MAGI2: variants seen among roughly 807,000 people sequenced by gnomAD.
MAGI2 encodes membrane-associated guanylate kinase, WW and PDZ domain-containing protein 2.
MAGI2 carries 35 observed loss-of-function variants against 133.3 expected under a neutral mutation model. The observed-to-expected ratio is 0.26, with a 90% CI of 0.20 to 0.35. The LOEUF is 0.35. Ranked by LOEUF, MAGI2 falls within the 10% of genes least tolerant of loss-of-function variation. The pLI, the probability that MAGI2 is intolerant of heterozygous loss-of-function variation, is 1.00. For synonymous variants in MAGI2, 729 were observed against 710.6 expected (o/e 1.03, Z -0.41); for missense variants, 1,636 against 1,863.4 (o/e 0.88, Z 2.25).
intron 1 of MAGI2, among the ~76,000 whole-genome samples, chr7:79,098,739 T>C (rs998674636): frequency 2.6e-5 from 4 of 152,182 alleles, no homozygotes; most frequent in African/African-American, 9.7e-5. Context: ...ACACCATAAT[T>C]AAGATTTCTC....
At chr7:78,726,147 T>A (rs986908253) in intron 2 of MAGI2, among the ~76,000 whole-genome samples, 6 of 152,110 alleles carry the variant, frequency 3.9e-5, no homozygotes, top group Non-Finnish European at 7.4e-5. Flanking sequence ...CAAAAATAAT[T>A]TTAAGTGGGG....
intron 11 of MAGI2, among the ~76,000 whole-genome samples, chr7:78,195,937 G>A (rs1584349107): frequency 6.6e-6 from 1 of 152,170 alleles, no homozygotes; most frequent in South Asian, 2.1e-4. Context: ...GGCAGCGTAT[G>A]TAAGATTTAG....
At chr7:78,962,021 A>G (rs1802891671) in intron 2 of MAGI2, among the ~76,000 whole-genome samples, 1 of 152,048 alleles carries the variant, frequency 6.6e-6, no homozygotes, top group African/African-American at 2.4e-5. Context: ...GTGTATCTAA[A>G]CATAGAAAAG....
intron 6 of MAGI2, among the ~76,000 whole-genome samples, chr7:78,421,177 G>A (rs952350216): frequency 5.3e-5 from 8 of 152,136 alleles, no homozygotes; most frequent in African/African-American, 1.9e-4. Flanking sequence ...GGACTCTAGA[G>A]AAAACCCTAG....
intron 19 of MAGI2, among the ~76,000 whole-genome samples, chr7:78,126,043 G>A (rs1820942253): frequency 6.6e-6 from 1 of 152,128 alleles, no homozygotes; most frequent in South Asian, 2.1e-4. Flanking sequence ...CAGTTTACTT[G>A]GTCATCAAAG....
chr7:79,058,976 A>G (rs17407267), intron 1 of MAGI2, among the ~76,000 whole-genome samples: 17,090 of 152,142 alleles, frequency 0.11, 1,073 homozygotes, highest in African/African-American at 0.17. Flanking sequence ...AAAGCTTAAC[A>G]TGGCATACTC....
At chr7:78,381,111 C>T (rs1255372410) in intron 6 of MAGI2, among the ~76,000 whole-genome samples, 1 of 152,120 alleles carries the variant, frequency 6.6e-6, no homozygotes, top group Non-Finnish European at 1.5e-5. Flanking sequence ...TTTTGGGAAG[C>T]TGAGGCTGGC....
chr7:79,090,189 A>T (rs764820887), intron 1 of MAGI2, among the ~76,000 whole-genome samples: 1 of 152,008 alleles, frequency 6.6e-6, no homozygotes, highest in Non-Finnish European at 1.5e-5. Flanking sequence ...TGCAAAAGGA[A>T]TAATTAATTA....
At chr7:78,207,906 C>G (rs933325761) in intron 10 of MAGI2, among the ~76,000 whole-genome samples, 3 of 152,112 alleles carry the variant, frequency 2.0e-5, no homozygotes, top group African/African-American at 7.2e-5. Context: ...AAGATGGAGT[C>G]TCACTCTGTC....
intron 1 of MAGI2, among the ~76,000 whole-genome samples, chr7:79,080,128 A>G (rs1197845352): frequency 6.6e-6 from 1 of 152,048 alleles, no homozygotes; most frequent in Non-Finnish European, 1.5e-5. Flanking sequence ...CCCTTCCTTA[A>G]TGTTCATTTC....
At chr7:79,317,869 C>T (rs1379679406) in intron 1 of MAGI2, among the ~76,000 whole-genome samples, 1 of 152,170 alleles carries the variant, frequency 6.6e-6, no homozygotes, top group East Asian at 1.9e-4. Flanking sequence ...TGCCTGGTTT[C>T]AGCCAGCAGC....
intron 20 of MAGI2, among the ~76,000 whole-genome samples, chr7:78,121,370 A>G (rs1303054215): frequency 1.3e-5 from 2 of 152,194 alleles, no homozygotes; most frequent in Non-Finnish European, 2.9e-5. Flanking sequence ...GAAAAAGATC[A>G]CCAATAATAT....
At chr7:78,511,860 C>T (rs976443424) in intron 4 of MAGI2, among the ~76,000 whole-genome samples, 5 of 151,112 alleles carry the variant, frequency 3.3e-5, no homozygotes, top group African/African-American at 7.3e-5. Context: ...CTTTGGGAGG[C>T]CGAGGTGGGT....
chr7:78,363,508 AATG>A (rs1562890420), intron 7 of MAGI2, among the ~76,000 whole-genome samples: 1 of 104,160 alleles, frequency 9.6e-6, no homozygotes, highest in South Asian at 2.7e-4. Context: ...TAATAATAAT[AATG>A]ATAATAATAA....
chr7:78,737,808 A>G (rs1184650187), intron 2 of MAGI2, among the ~76,000 whole-genome samples: 8 of 152,166 alleles, frequency 5.3e-5, no homozygotes, highest in Admixed American at 3.9e-4. Flanking sequence ...AATTTCAAAC[A>G]TAGTAAGTAT....
chr7:78,518,061 C>T (rs145516550), intron 4 of MAGI2: 1 of 151,470 alleles, frequency 6.6e-6, no homozygotes, highest in African/African-American at 2.4e-5. Flanking sequence ...GCTTTATTTA[C>T]TTAGAGCAAA....
At chr7:78,401,041 G>T (rs933731851) in intron 6 of MAGI2, among the ~76,000 whole-genome samples, 1 of 150,914 alleles carries the variant, frequency 6.6e-6, no homozygotes, top group Non-Finnish European at 1.5e-5. Context: ...CTTCTATCTA[G>T]AATGGTTTCT....
intron 2 of MAGI2, among the ~76,000 whole-genome samples, chr7:78,753,220 A>G (rs891669576): frequency 1.3e-5 from 2 of 151,930 alleles, no homozygotes; most frequent in Non-Finnish European, 2.9e-5. Flanking sequence ...ATTATGATCA[A>G]GGACATAAAG....
chr7:78,559,186 GA>G (rs1800161214), intron 3 of MAGI2, among the ~76,000 whole-genome samples: 16 of 45,690 alleles, frequency 3.5e-4, no homozygotes, highest in African/African-American at 1.4e-3. Context: ...GAAAAGAAAA[GA>G]AAAGAAAAGA....
Sources: gnomAD v4.1 joint callset for allele counts (sites outside exome capture counted in the v4.1 genomes callset) on GRCh38, gnomAD v4.1.1 for gene constraint, MANE v1.5 for transcripts, NCBI Gene and HGNC (gene_info 2026-07-23, HGNC 2026-07-21) for gene names.